The following FBLN5 variants were observed in gnomAD, a reference collection of about 807,000 sequenced individuals.
FBLN5 encodes the protein fibulin 5, also known as fibulin-5.
Under a neutral mutation model 61.6 loss-of-function variants are expected in FBLN5, and 24 were observed. The observed-to-expected ratio is 0.39, with a 90% CI of 0.28 to 0.55. FBLN5 has a LOEUF of 0.55. Ranked by LOEUF, FBLN5 falls within the 20% of genes least tolerant of loss-of-function variation. The probability of loss-of-function intolerance (pLI) is 0.65; values close to 1 mark genes in which losing one functional copy is unlikely to be tolerated. For missense variants in FBLN5, 470 were observed against 594.1 expected (o/e 0.79, Z 2.17); for synonymous variants, 213 against 219.8 (o/e 0.97, Z 0.27).
At chr14:91,939,965 G>T (rs1274883180) in intron 3 of FBLN5, 3 of 453,938 alleles carry the variant, frequency 6.6e-6, no homozygotes, top group South Asian at 4.7e-5. Context: ...AACAGAAAAA[G>T]AAGAGATTCA....
At chr14:91,936,046 C>T (rs1218327690) in intron 4 of FBLN5, among the ~76,000 whole-genome samples, 1 of 152,150 alleles carries the variant, frequency 6.6e-6, no homozygotes, top group Non-Finnish European at 1.5e-5. Context: ...ATATAGAAGA[C>T]ACCTTAAATT....
Position 91,877,531 on chromosome 14 carries a change from A to G in FBLN5, c.1141T>C (p.Phe381Leu). The change falls in exon 10 of 11, where the codon TTC (phenylalanine) becomes CTC (leucine). Residue 381 changes from phenylalanine to leucine, a missense_variant. By Grantham distance (22) the Phe-to-Leu change is conservative. Transcript: ENST00000342058. ...TTRYPGAYYI[F>L]QIKSGNEGRE... ...CCCTCATTCCCAGATTTGATCTGGA[A>G]AATGTAATAGGCCCCAGGGTAGCGG... The G allele has an allele frequency of 6.2e-7, 1 of 1,614,156 alleles. No homozygotes were observed. Among genetic ancestry groups the G allele is most frequent in the Non-Finnish European group, 8.5e-7 (1 of 1,180,022 alleles).
intron 2 of FBLN5, among the ~76,000 whole-genome samples, chr14:91,941,529 G>T (rs1161924610): frequency 6.6e-6 from 1 of 152,168 alleles, no homozygotes; most frequent in Non-Finnish European, 1.5e-5. Flanking sequence ...GATTTGCAGA[G>T]ATGATGTATA....
At position 91,943,433 on chromosome 14, in the gene FBLN5, AGGG is replaced by A. The variant is rs1205261545; in HGVS notation, c.18-475_18-473del. On this transcript the variant is annotated intron_variant, in intron 1 of 10. Coordinates refer to ENST00000342058, the MANE Select transcript of FBLN5 (RefSeq NM_006329.4). The surrounding 1 kb of genome is among the most constrained non-coding windows in gnomAD (Gnocchi z 4.0). ...GGCTGAGGTGGGATCACCTGAGCCCAGGGGGTTTGAGGCTGCAGTGAGCTGAGA... is the reference window on the plus strand; with the variant it reads ...GGCTGAGGTGGGATCACCTGAGCCCAGGTTTGAGGCTGCAGTGAGCTGAGA... 1.3e-5 allele frequency among the ~76,000 whole-genome samples: 2 copies of A among 151,992 alleles called. No individual in the cohort carries two copies. The highest frequency in any genetic ancestry group is 2.9e-5 in the Non-Finnish European group (2 of 67,976).
chr14:91,885,242 A>T (rs1001883474), intron 7 of FBLN5, among the ~76,000 whole-genome samples: 4 of 152,180 alleles, frequency 2.6e-5, no homozygotes, highest in Admixed American at 2.6e-4. Flanking sequence ...CATCATGGAG[A>T]ACATGGAGGA....
chr14:91,897,654 C>G (rs1890280145), intron 4 of FBLN5, among the ~76,000 whole-genome samples: 1 of 152,220 alleles, frequency 6.6e-6, no homozygotes, highest in South Asian at 2.1e-4. Flanking sequence ...CAGAAGGGCA[C>G]AAAGGGCCCC....
rs58271972 is a variant in FBLN5, at chr14:91,890,550, C to A, written c.619+671G>T. On this transcript the variant is annotated intron_variant, in intron 6 of 10. Transcript: ENST00000342058. ...TTAAGTCCCCCATTCACTTCCTGAGCAGAAGAAACCTTCAGATGGAAACCA... is the reference window on the plus strand; with the variant it reads ...TTAAGTCCCCCATTCACTTCCTGAGAAGAAGAAACCTTCAGATGGAAACCA... Among the ~76,000 whole-genome samples the A allele has an allele frequency of 2.0e-5, 3 of 152,340 alleles. No homozygotes were observed. The East Asian group carries it at 5.8e-4, about 29-fold the overall frequency.
intron 4 of FBLN5, among the ~76,000 whole-genome samples, chr14:91,898,259 G>T (rs934178336): frequency 6.6e-6 from 1 of 152,096 alleles, no homozygotes; most frequent in Admixed American, 6.5e-5. Context: ...CACACCTGGT[G>T]TAATGCTGTG....
chr14:91,908,683 T>A (rs751327503), intron 4 of FBLN5, among the ~76,000 whole-genome samples: 1 of 152,222 alleles, frequency 6.6e-6, no homozygotes, highest in African/African-American at 2.4e-5. Context: ...GTGCCTTGAC[T>A]GTACATTTGA....
chr14:91,936,297 C>T (rs541343025), intron 4 of FBLN5, among the ~76,000 whole-genome samples: 6 of 152,334 alleles, frequency 3.9e-5, no homozygotes, highest in East Asian at 3.9e-4. Flanking sequence ...CAGGCTGGAA[C>T]GCAGTGACTA....
At chr14:91,936,843 T>G in intron 4 of FBLN5, 104 bp downstream of exon 4, 1 of 1,288,028 alleles carries the variant, frequency 7.8e-7, no homozygotes, top group Non-Finnish European at 1.1e-6. Flanking sequence ...GTTTCACTGG[T>G]GCATTGAATG....
intron 7 of FBLN5, among the ~76,000 whole-genome samples, chr14:91,885,871 C>T (rs548971265): frequency 3.3e-5 from 5 of 152,328 alleles, no homozygotes; most frequent in African/African-American, 7.2e-5. Flanking sequence ...AGGAGTGCCA[C>T]GGAGGGAACT....
intron 10 of FBLN5, among the ~76,000 whole-genome samples, chr14:91,872,077 G>A (rs1339911517): frequency 1.3e-5 from 2 of 152,126 alleles, no homozygotes; most frequent in Non-Finnish European, 2.9e-5. Flanking sequence ...ACCCAGGTGG[G>A]GGGGCCCTGG....
intron 9 of FBLN5, among the ~76,000 whole-genome samples, chr14:91,881,068 C>T (rs1224152515): frequency 6.6e-6 from 1 of 151,996 alleles, no homozygotes; most frequent in African/African-American, 2.4e-5. Flanking sequence ...GTGCAATGTA[C>T]TCTGATATTT....
intron 3 of FBLN5, chr14:91,938,535 G>A (rs2056056816): frequency 6.6e-6 from 1 of 152,440 alleles, no homozygotes; most frequent in African/African-American, 2.4e-5. Flanking sequence ...TGTTAAGAAA[G>A]CAGAGCTTTG....
Position 91,901,740 on chromosome 14 carries a change from C to G in FBLN5, c.380-6668G>C, listed in dbSNP as rs79501567. Among the ~76,000 whole-genome samples the G allele has an allele frequency of 2.7e-3, 417 of 152,344 alleles. 3 individuals are homozygous for G. Among genetic ancestry groups the G allele is most frequent in the African/African-American group, 9.1e-3 (378 of 41,580 alleles). On this transcript the variant is annotated intron_variant, in intron 4 of 10. Coordinates refer to ENST00000342058, the MANE Select transcript of FBLN5 (RefSeq NM_006329.4). ...CATGTGTCTTACGGTCCTGGCCAAT[C>G]TCTAGGAGCCAGATCTTTCTGTGTT...
intron 4 of FBLN5, among the ~76,000 whole-genome samples, chr14:91,918,923 C>T (rs1236273367): frequency 6.6e-6 from 1 of 152,118 alleles, no homozygotes; most frequent in Admixed American, 6.5e-5. Flanking sequence ...GGCACAAGCA[C>T]AGTGTTTTGG....
intron 10 of FBLN5, chr14:91,873,649 C>T (rs565624579): frequency 6.6e-6 from 1 of 152,448 alleles, no homozygotes; most frequent in African/African-American, 2.4e-5. Flanking sequence ...GACTTGAAGC[C>T]TCATATGCAG....
rs1317647068 is a variant in FBLN5, at chr14:91,937,209, G to A, written c.125-8C>T. On this transcript the variant is annotated splice_polypyrimidine_tract_variant and splice_region_variant and intron_variant, in intron 3 of 10. Coordinates refer to ENST00000342058, the MANE Select transcript of FBLN5 (RefSeq NM_006329.4). Reference sequence around the variant, plus strand: ...TTCGGCATTCATCAATATCTGAAAGGCACAGAAAGGGCGAGCATTAGTGGC... The same window carrying A: ...TTCGGCATTCATCAATATCTGAAAGACACAGAAAGGGCGAGCATTAGTGGC... 3.7e-6 allele frequency: 6 copies of A among 1,614,094 alleles called. No homozygotes were observed. The Admixed American group carries it at 6.7e-5, about 18-fold the overall frequency.
Sources: allele counts gnomAD v4.1 joint callset (sites outside exome capture counted in the v4.1 genomes callset), GRCh38; gene constraint gnomAD v4.1.1; non-coding constraint Gnocchi (gnomAD v3.1); transcripts MANE v1.5; gene names NCBI Gene and HGNC (gene_info 2026-07-23, HGNC 2026-07-21).